HIVEP3: variants seen among roughly 807,000 people sequenced by gnomAD.
HIVEP3 encodes HIVEP zinc finger 3.
A neutral mutation model predicts 152.8 loss-of-function variants in HIVEP3; 49 were observed. The observed-to-expected ratio is 0.32, with a 90% CI of 0.26 to 0.41. The LOEUF is 0.41. HIVEP3 is among the 10% of genes least tolerant of loss of function. HIVEP3 has a pLI of 1.00. For missense variants in HIVEP3, 2,790 were observed against 3,103.3 expected, an observed-to-expected ratio of 0.90 and a Z score of 2.40; for synonymous variants, 1,269 against 1,289.0, an observed-to-expected ratio of 0.98 and a Z score of 0.33.
At chr1:41,781,127 A>G (rs540618597) in intron 1 of HIVEP3, among the ~76,000 whole-genome samples, 2 of 152,334 alleles carry the variant, frequency 1.3e-5, no homozygotes, top group South Asian at 4.1e-4. Context: ...CAGAGGAATG[A>G]GAAGGCCGTG....
At position 41,581,148 on chromosome 1, in the gene HIVEP3, A is replaced by C; in HGVS notation, c.3650T>G (p.Phe1217Cys). The C allele has an allele frequency of 6.5e-7, 1 of 1,548,906 alleles. No homozygotes were observed. Among genetic ancestry groups the C allele is most frequent in the Non-Finnish European group, 8.7e-7 (1 of 1,146,982 alleles). ...QLMPHPANIP[F>C]RQPPSFLPMP... is the part of the protein sequence containing the mutation. ...GGGGAGGAAGGAAGGGGGCTGCCTG[A>C]AGGGGATGTTGGCTGGGTGAGGCAT... Residue 1217 changes from phenylalanine to cysteine, a missense_variant, in exon 4 of 9, where the codon TTC becomes TGC. Physicochemically the swap from Phe to Cys is radical, Grantham distance 205. Around this residue, in one of 9 missense-constraint regions of HIVEP3, gnomAD observed 1,078 missense variants for 1,165.3 expected, o/e 0.93. Coordinates refer to ENST00000372583, the MANE Select transcript of HIVEP3 (RefSeq NM_024503.5). The surrounding 1 kb of genome is among the most constrained non-coding windows in gnomAD (Gnocchi z 4.5).
intron 1 of HIVEP3, among the ~76,000 whole-genome samples, chr1:41,913,558 A>G (rs985189029): frequency 3.3e-5 from 5 of 152,098 alleles, no homozygotes; most frequent in Admixed American, 2.0e-4. Context: ...CACCATGTCC[A>G]TAATTTTATT....
intron 3 of HIVEP3, among the ~76,000 whole-genome samples, chr1:41,627,312 T>C (rs1256473666): frequency 6.6e-6 from 1 of 152,060 alleles, no homozygotes. Context: ...TGAGGCAGAG[T>C]TGGAGCAATT....
chr1:41,806,249 C>T (rs1650601959), intron 1 of HIVEP3, among the ~76,000 whole-genome samples: 1 of 152,232 alleles, frequency 6.6e-6, no homozygotes, highest in South Asian at 2.1e-4. Context: ...CATCCCCTCT[C>T]TTCCTGTTGA....
intron 2 of HIVEP3, among the ~76,000 whole-genome samples, chr1:41,653,973 A>C (rs1314189369): frequency 2.0e-5 from 3 of 151,344 alleles, no homozygotes; most frequent in Non-Finnish European, 4.4e-5. Flanking sequence ...AAAAAAAAAA[A>C]AAAAAAAAAC....
At chr1:41,882,696 C>T (rs926857258) in intron 1 of HIVEP3, among the ~76,000 whole-genome samples, 3 of 152,162 alleles carry the variant, frequency 2.0e-5, no homozygotes, top group Non-Finnish European at 2.9e-5. Context: ...CTGGAAGTCC[C>T]CTGGGCACAT....
intron 1 of HIVEP3, among the ~76,000 whole-genome samples, chr1:41,863,637 G>A (rs891497973): frequency 6.6e-6 from 1 of 152,228 alleles, no homozygotes; most frequent in African/African-American, 2.4e-5. Flanking sequence ...TCCAGCGGAG[G>A]TGCGGGCAGC....
In HIVEP3 at chr1:41,873,944, C is replaced by T. The variant is rs536229508; in HGVS notation, c.-801+44469G>A. On this transcript the variant is annotated intron_variant, in intron 1 of 8. Coordinates refer to ENST00000372583, the MANE Select transcript of HIVEP3 (RefSeq NM_024503.5). The surrounding 1 kb of genome is among the most constrained non-coding windows in gnomAD (Gnocchi z 4.2). ...TCATTCTGGGGTCAGGAAGAAGCTG[C>T]AGGCCCTCCTTCCCACCCTCGCTTC... 2.0e-5 allele frequency among the ~76,000 whole-genome samples: 3 copies of T among 152,198 alleles called. No homozygotes were observed. Among genetic ancestry groups the T allele is most frequent in the Non-Finnish European group, 4.4e-5 (3 of 68,040 alleles).
chr1:42,022,908 G>T (rs1217526650), intron 1 of HIVEP3, among the ~76,000 whole-genome samples: 1 of 152,160 alleles, frequency 6.6e-6, no homozygotes, highest in African/African-American at 2.4e-5. Flanking sequence ...CACAGTCCCT[G>T]TCCTCACAAA....
At chr1:41,743,631 G>T (rs934416966) in intron 1 of HIVEP3, among the ~76,000 whole-genome samples, 1 of 152,110 alleles carries the variant, frequency 6.6e-6, no homozygotes, top group Non-Finnish European at 1.5e-5. Context: ...TGGAGATGAC[G>T]CTCAGGGACT....
intron 1 of HIVEP3, among the ~76,000 whole-genome samples, chr1:41,907,055 G>GAGAAGACTGTGGCC (rs1553132495): frequency 6.6e-6 from 1 of 152,170 alleles, no homozygotes; most frequent in African/African-American, 2.4e-5. Flanking sequence ...GTGACCCACA[G>GAGAAGACTGTGGCC]AGAAGACTGG....
chr1:41,764,447 G>A (rs1300948631), intron 1 of HIVEP3, among the ~76,000 whole-genome samples: 2 of 152,196 alleles, frequency 1.3e-5, no homozygotes, highest in Non-Finnish European at 2.9e-5. Context: ...CAGGAGAAGC[G>A]AAAGATAAGT....
At chr1:41,891,604 C>T (rs1009877049) in intron 1 of HIVEP3, among the ~76,000 whole-genome samples, 5 of 152,194 alleles carry the variant, frequency 3.3e-5, no homozygotes, top group Non-Finnish European at 5.9e-5. Flanking sequence ...CTAGCTAGAT[C>T]TCAGCAAATG....
At chr1:41,934,141 A>C (rs1380679890) in intron 1 of HIVEP3, among the ~76,000 whole-genome samples, 1 of 152,116 alleles carries the variant, frequency 6.6e-6, no homozygotes, top group African/African-American at 2.4e-5. Context: ...ATTCACTACA[A>C]GGGAGATTTT....
Position 41,582,882 on chromosome 1 carries a change from TTTG to T in HIVEP3, c.1913_1915del (p.Thr638del), listed in dbSNP as rs1268975016. On this transcript the variant is annotated inframe_deletion, in exon 4 of 9. Transcript: ENST00000372583. This position sits in a 1 kb window ranked among gnomAD's most constrained non-coding sequence, Gnocchi z 4.7. ...TATGTTACATTCGTAGATCACCCCT[TTTG>T]TTTTCAAACCCTTCTTGGTCTTTTT... 6 of 1,614,074 alleles carry T rather than the reference TTTG, an allele frequency of 3.7e-6. No homozygotes were observed. The highest frequency in any genetic ancestry group is 5.1e-6 in the Non-Finnish European group (6 of 1,180,040).
Position 41,653,211 on chromosome 1 carries a change from T to C in HIVEP3, c.-720-24264A>G, listed in dbSNP as rs192578815. On this transcript the variant is annotated intron_variant, in intron 2 of 8. Coordinates refer to ENST00000372583, the MANE Select transcript of HIVEP3 (RefSeq NM_024503.5). ...GCTATTCTGTATGTGTCTAAATGTG[T>C]GTGCGTGTGTGTGTGTGTGTATGTA... 3.0e-3 allele frequency among the ~76,000 whole-genome samples: 462 copies of C among 152,258 alleles called. 1 individual carries two copies. The highest frequency in any genetic ancestry group is 0.011 in the African/African-American group (450 of 41,526).
intron 1 of HIVEP3, among the ~76,000 whole-genome samples, chr1:41,747,526 T>G (rs758844742): frequency 6.6e-5 from 10 of 152,162 alleles, no homozygotes; most frequent in Non-Finnish European, 1.5e-4. Flanking sequence ...AAAAAGAAAA[T>G]AAAAATGACT....
chr1:41,941,671 A>G (rs1281552436), intron 1 of HIVEP3, among the ~76,000 whole-genome samples: 2 of 152,212 alleles, frequency 1.3e-5, no homozygotes, highest in Admixed American at 1.3e-4. Context: ...GAAAATACAG[A>G]GCACCCGGTT....
At chr1:41,627,620 C>T (rs1418989506) in intron 3 of HIVEP3, among the ~76,000 whole-genome samples, 4 of 152,136 alleles carry the variant, frequency 2.6e-5, no homozygotes, top group Non-Finnish European at 5.9e-5. Flanking sequence ...TGCCTGTGGC[C>T]CCATCCCCTT....
Sources: gnomAD v4.1 joint callset for allele counts (sites outside exome capture counted in the v4.1 genomes callset) on GRCh38, gnomAD v4.1.1 for gene constraint, gnomAD v4.1.1 regional missense constraint, Gnocchi (gnomAD v3.1) non-coding constraint, MANE v1.5 for transcripts, NCBI Gene and HGNC (gene_info 2026-07-23, HGNC 2026-07-21) for gene names.